Variants in SV2C observed in about 807,000 individuals in gnomAD.
SV2C encodes the protein synaptic vesicle glycoprotein 2C.
In SV2C, 49 loss-of-function variants were observed where a neutral mutation model predicts 79.7. The observed-to-expected ratio is 0.61, with a 90% CI of 0.49 to 0.78. The LOEUF (loss-of-function observed/expected upper bound fraction) is 0.78. Among genes scored for constraint, SV2C ranks in the 30% least tolerant of loss-of-function variants. The pLI, the probability that SV2C is intolerant of heterozygous loss-of-function variation, is 0.00. For missense variants in SV2C, 833 were observed against 912.9 expected (o/e 0.91, Z 1.13); for synonymous variants, 334 against 333.2 (o/e 1.00, Z -0.03).
chr5:76,133,448 C>G (rs899263205), intron 2 of SV2C, among the ~76,000 whole-genome samples: 1 of 152,166 alleles, frequency 6.6e-6, no homozygotes, highest in African/African-American at 2.4e-5. Flanking sequence ...AAATTAAATG[C>G]TATATCCTAA....
Position 76,099,351 on chromosome 5 carries a change from T to C in SV2C, c.-102+15839T>C, listed in dbSNP as rs534277260. Among the ~76,000 whole-genome samples the C allele has an allele frequency of 8.5e-5, 12 of 140,742 alleles. No homozygotes were observed. In the South Asian group the frequency reaches 2.9e-3, roughly 34 times the overall value. 92.3% of individuals were successfully genotyped at this position (140,742 alleles called of 152,430 possible). The stretch of plus-strand genomic sequence containing the variant: ...CTGTACTTCCTGTTTGCCATATTAG[T>C]GCTTTCTTTTGCTCGTGTGTGTGTG... On this transcript the variant is annotated intron_variant, in intron 1 of 12. Coordinates refer to ENST00000502798, the MANE Select transcript of SV2C (RefSeq NM_014979.4).
chr5:75,858,171 T>G, the SV2C span, among the ~76,000 whole-genome samples: 2 of 152,228 alleles, frequency 1.3e-5, no homozygotes, highest in African/African-American at 4.8e-5. Flanking sequence ...GTGGGCATCC[T>G]TGTCTTATTC....
the SV2C span, among the ~76,000 whole-genome samples, chr5:75,893,501 G>GACTA: frequency 6.6e-6 from 1 of 152,114 alleles, no homozygotes; most frequent in African/African-American, 2.4e-5. Flanking sequence ...AGGAACAGAA[G>GACTA]ACTAACTACT....
chr5:75,974,029 A>AT, the SV2C span, among the ~76,000 whole-genome samples: 6 of 152,056 alleles, frequency 3.9e-5, no homozygotes, highest in Admixed American at 6.6e-5. Context: ...TGTAATACTA[A>AT]TATCCAGGGA....
the SV2C span, among the ~76,000 whole-genome samples, chr5:76,023,599 T>C: frequency 6.6e-6 from 1 of 152,078 alleles, no homozygotes; most frequent in Non-Finnish European, 1.5e-5. Context: ...GTTATCAGTT[T>C]GGTATGAATA....
intron 2 of SV2C, among the ~76,000 whole-genome samples, chr5:76,181,185 C>A (rs143895086): frequency 3.3e-5 from 5 of 152,158 alleles, no homozygotes; most frequent in African/African-American, 7.2e-5. Context: ...CCAACAGCTC[C>A]GATCCAACCC....
chr5:76,234,793 G>A (rs1745561927), intron 4 of SV2C, among the ~76,000 whole-genome samples: 1 of 152,122 alleles, frequency 6.6e-6, no homozygotes, highest in African/African-American at 2.4e-5. Flanking sequence ...GTATATCATA[G>A]CCAATCAAAA....
the SV2C span, among the ~76,000 whole-genome samples, chr5:76,048,959 G>A: frequency 1.7e-5 from 2 of 119,174 alleles, no homozygotes; most frequent in African/African-American, 6.5e-5. Flanking sequence ...GAGAGAGAAA[G>A]AAAAAGAGAA....
intron 1 of SV2C, among the ~76,000 whole-genome samples, chr5:76,129,601 C>T (rs1748814622): frequency 1.3e-5 from 2 of 152,168 alleles, no homozygotes; most frequent in South Asian, 4.1e-4. Flanking sequence ...TACCTCTTGC[C>T]TCTTACAGAG....
intron 12 of SV2C, among the ~76,000 whole-genome samples, chr5:76,346,661 C>T (rs246804): frequency 0.53 from 80,265 of 152,126 alleles, 23,498 homozygotes; most frequent in African/African-American, 0.79. Flanking sequence ...TTTGTTTGCA[C>T]TTTTTTGCCA....
intron 4 of SV2C, among the ~76,000 whole-genome samples, chr5:76,211,556 T>C (rs1744769895): frequency 6.6e-6 from 1 of 151,906 alleles, no homozygotes; most frequent in Non-Finnish European, 1.5e-5. Flanking sequence ...AAAATAGGAA[T>C]ACCGTATAAA....
chr5:76,252,707 A>G (rs578065098), intron 4 of SV2C, among the ~76,000 whole-genome samples: 2 of 152,372 alleles, frequency 1.3e-5, no homozygotes, highest in South Asian at 2.1e-4. Flanking sequence ...AAAAGAATCA[A>G]ATAAGCTAGT....
At chr5:75,866,257 G>T in the SV2C span, among the ~76,000 whole-genome samples, 1 of 151,012 alleles carries the variant, frequency 6.6e-6, no homozygotes. Flanking sequence ...CTTTTCTTAT[G>T]CTAAACAGGT....
the SV2C span, among the ~76,000 whole-genome samples, chr5:76,028,982 G>T: frequency 6.6e-6 from 1 of 152,186 alleles, no homozygotes; most frequent in Middle Eastern, 3.2e-3. Flanking sequence ...TATAACCCCA[G>T]CACTCAGGAG....
intron 2 of SV2C, among the ~76,000 whole-genome samples, chr5:76,161,494 G>T (rs1742897539): frequency 6.6e-6 from 1 of 152,060 alleles, no homozygotes; most frequent in Non-Finnish European, 1.5e-5. Flanking sequence ...ACCATGTCCG[G>T]CTAATTTTCT....
At chr5:76,120,982 C>A (rs1023024152) in intron 1 of SV2C, among the ~76,000 whole-genome samples, 6 of 151,120 alleles carry the variant, frequency 4.0e-5, no homozygotes, top group Non-Finnish European at 5.9e-5. Context: ...ACAGTCCCAC[C>A]AACAGTGTAA....
Position 76,327,415 on chromosome 5 carries a change from G to T in SV2C, c.*1868G>T, listed in dbSNP as rs952057879. The T allele has an allele frequency of 2.0e-5, 3 of 152,102 alleles. No homozygotes were observed. Among genetic ancestry groups the T allele is most frequent in the Non-Finnish European group, 2.9e-5 (2 of 68,020 alleles). The allele number at this position is 152,102 out of a possible 1,614,324, so 9.4% of individuals were successfully genotyped here. On this transcript the variant is annotated 3_prime_UTR_variant, in exon 13 of 13. Transcript: ENST00000502798. The stretch of plus-strand genomic sequence containing the variant: ...AAGATGCATTTGAAAGATACCAACC[G>T]CACAGGGAAAGAAACAACTTTCTCT...
chr5:76,249,003 G>A (rs554884035), intron 4 of SV2C, among the ~76,000 whole-genome samples: 10 of 152,166 alleles, frequency 6.6e-5, no homozygotes, highest in Non-Finnish European at 1.3e-4. Flanking sequence ...ATTATTAGGA[G>A]GAGTGTGGTG....
chr5:76,347,054 A>AG (rs1749558443), intron 12 of SV2C, among the ~76,000 whole-genome samples: 1 of 152,334 alleles, frequency 6.6e-6, no homozygotes, highest in East Asian at 1.9e-4. Flanking sequence ...AAGAAGTGAG[A>AG]GGGAAAAAAG....
Sources: gnomAD v4.1 joint callset for allele counts (sites outside exome capture counted in the v4.1 genomes callset) on GRCh38, gnomAD v4.1.1 for gene constraint, MANE v1.5 for transcripts, NCBI Gene and HGNC (gene_info 2026-07-23, HGNC 2026-07-21) for gene names.